The following ROCK2 variants were observed in gnomAD, a reference collection of about 807,000 sequenced individuals.
The protein encoded by ROCK2 is rho-associated protein kinase 2.
A neutral mutation model predicts 195.1 loss-of-function variants in ROCK2; 61 were observed. The ratio of observed to expected loss-of-function variants is 0.31; its 90% CI spans 0.25 to 0.39. ROCK2 has a LOEUF of 0.39. ROCK2 is among the 10% of genes least tolerant of loss of function. The pLI is 1.00. For synonymous variants in ROCK2, 504 were observed against 545.5 expected (o/e 0.92, Z 1.06); for missense variants, 1,109 against 1,637.4 (o/e 0.68, Z 5.57).
intron 1 of ROCK2, among the ~76,000 whole-genome samples, chr2:11,298,938 C>T (rs1667620548): frequency 6.6e-6 from 1 of 152,028 alleles, no homozygotes; most frequent in South Asian, 2.1e-4. Context: ...TTTAAAACTA[C>T]AGAGATTTAA....
chr2:11,287,531 A>G, intron 2 of ROCK2, 124 bp downstream of exon 2: 1 of 373,240 alleles, frequency 2.7e-6, no homozygotes, highest in Non-Finnish European at 4.9e-6. Flanking sequence ...ATGGTAAGCA[A>G]AAGACTTAAG....
Position 11,344,573 on chromosome 2 carries a change from G to T in ROCK2, c.-437C>A. Reference sequence around the variant, plus strand: ...CCGCCGGCCCGCTGCCATGGTCGCCGCCGGCCGCCTTGCAGTCCCTCAGCC... The same window carrying T: ...CCGCCGGCCCGCTGCCATGGTCGCCTCCGGCCGCCTTGCAGTCCCTCAGCC... On this transcript the variant is annotated 5_prime_UTR_variant, in exon 1 of 33. Coordinates refer to ENST00000315872, the MANE Select transcript of ROCK2 (RefSeq NM_004850.5). This position sits in a 1 kb window ranked among gnomAD's most constrained non-coding sequence, Gnocchi z 5.4. 2.3e-6 allele frequency: 2 copies of T among 866,888 alleles called. No individual in the cohort carries two copies. The highest frequency in any genetic ancestry group is 2.8e-6 in the Non-Finnish European group (2 of 724,080). The allele number at this position is 866,888 out of a possible 1,614,324, so 53.7% of individuals were successfully genotyped here.
chr2:11,289,045 T>C (rs573726492), intron 1 of ROCK2, among the ~76,000 whole-genome samples: 1 of 152,344 alleles, frequency 6.6e-6, no homozygotes, highest in East Asian at 1.9e-4. Flanking sequence ...GAAAATATTA[T>C]TTAATAACAG....
intron 19 of ROCK2, 73 bp from the exon 20 acceptor site, chr2:11,207,983 A>G: frequency 8.5e-7 from 1 of 1,173,266 alleles, no homozygotes; most frequent in East Asian, 2.7e-5. Flanking sequence ...GTTGGTATAA[A>G]ATATGGTGAT....
At position 11,197,138 on chromosome 2, in the gene ROCK2, T is replaced by C. The variant is rs1663669997; in HGVS notation, c.3448+42A>G. ...GCAAGACTTAAAACAATCAACTGAT[T>C]TATATTTAAGATAAATATTAGTGCT... On this transcript the variant is annotated intron_variant, in intron 27 of 32. Transcript: ENST00000315872. This position sits in a 1 kb window ranked among gnomAD's most constrained non-coding sequence, Gnocchi z 4.9. The C allele has an allele frequency of 8.4e-6, 12 of 1,423,540 alleles. No homozygotes were observed. Among genetic ancestry groups the C allele is most frequent in the Non-Finnish European group, 1.1e-5 (12 of 1,056,266 alleles). The allele number at this position is 1,423,540 out of a possible 1,614,324, so 88.2% of individuals were successfully genotyped here.
At position 11,201,022 on chromosome 2, in the gene ROCK2, C is replaced by T; in HGVS notation, c.2845G>A (p.Glu949Lys). The T allele has an allele frequency of 6.2e-7, 1 of 1,613,486 alleles. No homozygotes were observed. The highest frequency in any genetic ancestry group is 8.5e-7 in the Non-Finnish European group (1 of 1,179,830). ...LEKEKIMKEL[E>K]IKEMMARHKQ... ...TGTCTAGCCATCATCTCTTTGATCTCCAGCTCTTTCATGATCTTCTCTTTT... is the reference window on the plus strand; with the variant it reads ...TGTCTAGCCATCATCTCTTTGATCTTCAGCTCTTTCATGATCTTCTCTTTT... The change falls in exon 23 of 33, where the codon GAG becomes AAG. Residue 949 changes from glutamate (E) to lysine (K), a missense_variant. Transcript: ENST00000315872. The surrounding 1 kb of genome is among the most constrained non-coding windows in gnomAD (Gnocchi z 4.6).
rs184875779 is a variant in ROCK2 at position 11,339,505 on chromosome 2, G to A, written c.141+4491C>T. Among the ~76,000 whole-genome samples the A allele has an allele frequency of 2.5e-4, 37 of 148,538 alleles. No homozygotes were observed. In the East Asian group the frequency reaches 7.3e-3, roughly 29 times the overall value. On this transcript the variant is annotated intron_variant, in intron 1 of 32. Coordinates refer to ENST00000315872, the MANE Select transcript of ROCK2 (RefSeq NM_004850.5). ...AATTATTCACGTGAGCTCCAGAAAT[G>A]CTCCTAGCAACACTTTCCATAACAG...
At chr2:11,323,494 G>A (rs915905351) in intron 1 of ROCK2, among the ~76,000 whole-genome samples, 1 of 152,136 alleles carries the variant, frequency 6.6e-6, no homozygotes, top group African/African-American at 2.4e-5. Context: ...ATGCTACTCA[G>A]ATGTTCTGAC....
At chr2:11,245,713 G>C (rs1665589549) in intron 4 of ROCK2, among the ~76,000 whole-genome samples, 1 of 152,144 alleles carries the variant, frequency 6.6e-6, no homozygotes, top group African/African-American at 2.4e-5. Context: ...TTGCAAGCAA[G>C]CTATCAAAGA....
chr2:11,338,928 CAGA>C (rs916668703), intron 1 of ROCK2, among the ~76,000 whole-genome samples: 5 of 147,364 alleles, frequency 3.4e-5, no homozygotes, highest in East Asian at 4.0e-4. Context: ...AAAAAAAAAT[CAGA>C]AGAATGACTG....
chr2:11,276,190 A>T (rs1282546600), intron 3 of ROCK2, among the ~76,000 whole-genome samples: 1 of 152,250 alleles, frequency 6.6e-6, no homozygotes, highest in Non-Finnish European at 1.5e-5. Context: ...TCAACATAGC[A>T]CTGGAAGTTC....
intron 27 of ROCK2, 39 bp from the exon 28 acceptor site, chr2:11,195,064 T>A: frequency 4.5e-6 from 5 of 1,114,700 alleles, no homozygotes; most frequent in Non-Finnish European, 6.5e-6. Flanking sequence ...AAGATAACAA[T>A]TCTCCTTAGA....
intron 1 of ROCK2, among the ~76,000 whole-genome samples, chr2:11,325,538 G>T (rs761450746): frequency 6.6e-6 from 1 of 152,152 alleles, no homozygotes; most frequent in Non-Finnish European, 1.5e-5. Flanking sequence ...AGCTTCAAAT[G>T]AAAGTTATTT....
rs150346811 is a variant in ROCK2, at chr2:11,257,188, C to A, written c.325-7390G>T. Among the ~76,000 whole-genome samples, 491 of 151,516 alleles carry A rather than the reference C, an allele frequency of 3.2e-3. 33 individuals are homozygous for A. Among genetic ancestry groups the A allele is most frequent in the African/African-American group, 0.011 (439 of 40,836 alleles). On this transcript the variant is annotated intron_variant, in intron 3 of 32. Coordinates refer to ENST00000315872, the MANE Select transcript of ROCK2 (RefSeq NM_004850.5). ...TGGTGGAGGAGCAGGGGCTGGTATG[C>A]GCTGGGCAGCGAGAGCCTCATGGCG...
intron 1 of ROCK2, among the ~76,000 whole-genome samples, chr2:11,295,011 A>G (rs1667468261): frequency 6.6e-6 from 1 of 151,832 alleles, no homozygotes; most frequent in South Asian, 2.1e-4. Context: ...TTGGTCTCGA[A>G]CTCCTGAACT....
chr2:11,212,337 GTC>G (rs1664279444), intron 17 of ROCK2, among the ~76,000 whole-genome samples: 1 of 151,988 alleles, frequency 6.6e-6, no homozygotes, highest in Non-Finnish European at 1.5e-5. Context: ...GTACCCAACA[GTC>G]TACACCACCA....
At chr2:11,184,230 T>C (rs530158076) in intron 32 of ROCK2, among the ~76,000 whole-genome samples, 11 of 152,338 alleles carry the variant, frequency 7.2e-5, no homozygotes, top group African/African-American at 2.6e-4. Context: ...ATTAGACTTA[T>C]AAAGTTTTTA....
intron 1 of ROCK2, among the ~76,000 whole-genome samples, chr2:11,322,732 TA>T (rs1668438428): frequency 6.6e-6 from 1 of 152,242 alleles, no homozygotes; most frequent in Admixed American, 6.5e-5. Context: ...TTATATGTGG[TA>T]GAAAGTTAAA....
At chr2:11,196,397 T>G (rs1368278435) in intron 27 of ROCK2, among the ~76,000 whole-genome samples, 2 of 152,246 alleles carry the variant, frequency 1.3e-5, no homozygotes, top group Non-Finnish European at 2.9e-5. Context: ...AAGAATTTCT[T>G]CTTGGTTGAA....
Sources: gnomAD v4.1 joint callset for allele counts (sites outside exome capture counted in the v4.1 genomes callset) on GRCh38, gnomAD v4.1.1 for gene constraint, Gnocchi (gnomAD v3.1) non-coding constraint, MANE v1.5 for transcripts, NCBI Gene and HGNC (gene_info 2026-07-23, HGNC 2026-07-21) for gene names.